The following KLHL4 variants were observed in gnomAD, a reference collection of about 807,000 sequenced individuals.
The protein encoded by KLHL4 is kelch like family member 4, also known as kelch-like protein 4.
KLHL4 carries 17 observed loss-of-function variants against 45.8 expected under a neutral mutation model. That is an observed-to-expected ratio of 0.37 (90% CI 0.25 to 0.56). KLHL4 has a LOEUF of 0.56. KLHL4 is among the 20% of genes least tolerant of loss of function. The pLI, the probability that KLHL4 is intolerant of heterozygous loss-of-function variation, is 0.79. For synonymous variants in KLHL4, 224 were observed against 189.9 expected (o/e 1.18, Z -1.47); for missense variants, 544 against 544.9 (o/e 1.00, Z 0.02).
In KLHL4 at chrX:87,631,596, C is replaced by T. The variant is rs190175253; in HGVS notation, c.1325-614C>T. Among the ~76,000 whole-genome samples the T allele has an allele frequency of 8.0e-5, 9 of 111,871 alleles. No homozygotes were observed. In the South Asian group the frequency reaches 1.9e-3, roughly 23 times the overall value. On this transcript the variant is annotated intron_variant, in intron 6 of 10. Coordinates refer to ENST00000373119, the MANE Select transcript of KLHL4 (RefSeq NM_019117.5). ...GTGTGATCTTGGCCCACTGCAGCCT[C>T]CGCCTCCTGGGCTGAAGTGGTCTTC...
At chrX:87,652,159 G>A (rs1455944320) in intron 9 of KLHL4, among the ~76,000 whole-genome samples, 1 of 112,380 alleles carries the variant, frequency 8.9e-6, no homozygotes, top group East Asian at 2.8e-4. Context: ...TGTAATTGCA[G>A]GGCACCAAGT....
intron 9 of KLHL4, among the ~76,000 whole-genome samples, chrX:87,655,623 C>T (rs222109): frequency 9.1e-6 from 1 of 109,302 alleles, no homozygotes; most frequent in Non-Finnish European, 1.9e-5. Flanking sequence ...TGGTCGGATC[C>T]TTTTTTTTAA....
At chrX:87,599,648 A>G (rs992028906) in intron 1 of KLHL4, among the ~76,000 whole-genome samples, 7 of 111,236 alleles carry the variant, frequency 6.3e-5, no homozygotes, top group Non-Finnish European at 1.1e-4. Context: ...TAGCAAAAAA[A>G]AAAAGAAAAA....
rs1454362766 is a variant in KLHL4, at chrX:87,614,434, G to A, written c.591G>A (p.Arg197=). 8.3e-7 allele frequency: 1 copy of A among 1,204,591 alleles called. No individual in the cohort carries two copies. Among genetic ancestry groups the A allele is most frequent in the Admixed American group, 2.2e-5 (1 of 45,523 alleles). ...TCCTACAAATATTTCCTATTTCCAG[G>A]TTGGTTCTCAGCGCAGTGTCTGATT... ...IAGHLRIPAH[R]LVLSAVSDYF... is the part of the protein sequence containing the mutation. Residue 197 remains arginine (R), a splice_region_variant and synonymous_variant, in exon 3 of 11, where the codon AGG becomes AGA. Transcript: ENST00000373119.
intron 9 of KLHL4, among the ~76,000 whole-genome samples, chrX:87,636,422 G>A (rs747795814): frequency 2.7e-5 from 3 of 111,725 alleles, no homozygotes; most frequent in Admixed American, 9.5e-5. Flanking sequence ...GAACCATATC[G>A]TGAACTTTTG....
intron 9 of KLHL4, among the ~76,000 whole-genome samples, chrX:87,655,962 T>C (rs991780189): frequency 8.9e-6 from 1 of 111,876 alleles, no homozygotes; most frequent in African/African-American, 3.2e-5. Flanking sequence ...TCTGGCAGTA[T>C]ACCCAAGTCA....
At chrX:87,618,626 G>A (rs1218878715) in intron 4 of KLHL4, among the ~76,000 whole-genome samples, 3 of 110,855 alleles carry the variant, frequency 2.7e-5, no homozygotes, top group Admixed American at 9.7e-5. Flanking sequence ...TCAGCATCCC[G>A]AGTAGCTGGG....
chrX:87,589,552 A>G lies in KLHL4; in HGVS notation c.423-24325A>G, dbSNP rs186526694. On this transcript the variant is annotated intron_variant, in intron 1 of 10. Transcript: ENST00000373119. ...ATCATTATGTTAAGTGAAATAAGCCAGGCACAGAAACACAAACATTGCATG... is the reference window on the plus strand; with the variant it reads ...ATCATTATGTTAAGTGAAATAAGCCGGGCACAGAAACACAAACATTGCATG... Among the ~76,000 whole-genome samples, 3 of 112,082 alleles carry G rather than the reference A, an allele frequency of 2.7e-5. No individual in the cohort carries two copies. In the East Asian group the frequency reaches 8.4e-4, roughly 32 times the overall value.
intron 9 of KLHL4, among the ~76,000 whole-genome samples, chrX:87,646,448 G>A (rs1923637154): frequency 9.0e-6 from 1 of 111,440 alleles, no homozygotes; most frequent in Non-Finnish European, 1.9e-5. Context: ...GCAAGACTAA[G>A]CAAAATGAAC....
intron 1 of KLHL4, among the ~76,000 whole-genome samples, chrX:87,523,504 C>G (rs1439514070): frequency 9.0e-6 from 1 of 110,881 alleles, no homozygotes; most frequent in African/African-American, 3.3e-5. Flanking sequence ...AATAAGTATT[C>G]AAAAAAATGA....
At position 87,632,340 on chromosome X, in the gene KLHL4, C is replaced by A. The variant is rs746077135; in HGVS notation, c.1455C>A (p.Asp485Glu). Residue 485 changes from aspartate to glutamate, a missense_variant, in exon 7 of 11, where the codon GAC becomes GAA. By Grantham distance (45) the Asp-to-Glu change is conservative. Transcript: ENST00000373119. ...DNKLYVVGGR[D>E]GLKTLNTVEC... ...AGCTCTATGTCGTGGGAGGAAGAGA[C>A]GGTTTAAAAACTTTGAATACAGTGG... 6.6e-6 allele frequency: 8 copies of A among 1,207,780 alleles called. No individual in the cohort carries two copies. Among genetic ancestry groups the A allele is most frequent in the Non-Finnish European group, 9.0e-6 (8 of 893,605 alleles).
intron 1 of KLHL4, among the ~76,000 whole-genome samples, chrX:87,542,737 A>ACC: frequency 8.9e-6 from 1 of 111,948 alleles, no homozygotes; most frequent in African/African-American, 3.2e-5. Context: ...GGCAGAAGGG[A>ACC]CTTGCCTTGT....
In KLHL4 at chrX:87,668,346, C is replaced by G. The variant is rs1031341320; in HGVS notation, c.*1812C>G. 1.3e-6 allele frequency: 1 copy of G among 753,981 alleles called. No homozygotes were observed. The highest frequency in any genetic ancestry group is 1.6e-6 in the Non-Finnish European group (1 of 638,946). The allele number at this position is 753,981 out of a possible 1,213,427, so 62.1% of individuals were successfully genotyped here. On this transcript the variant is annotated 3_prime_UTR_variant, in exon 11 of 11. Coordinates refer to ENST00000373119, the MANE Select transcript of KLHL4 (RefSeq NM_019117.5). The stretch of plus-strand genomic sequence containing the variant: ...CAACGAGGTGCTACCAATAGGCAGA[C>G]TGTGTCTAGAGTCATGCATGGACAA...
At chrX:87,583,270 C>T (rs1031897686) in intron 1 of KLHL4, among the ~76,000 whole-genome samples, 1 of 111,994 alleles carries the variant, frequency 8.9e-6, no homozygotes, top group Non-Finnish European at 1.9e-5. Context: ...AGTCCCCACT[C>T]GACACAGGAA....
intron 1 of KLHL4, 151 bp from the exon 2 acceptor site, chrX:87,613,726 C>A: frequency 7.9e-6 from 3 of 377,683 alleles, no homozygotes; most frequent in South Asian, 8.5e-5. Flanking sequence ...GATCGGAAAA[C>A]AGATTTTAAT....
intron 9 of KLHL4, among the ~76,000 whole-genome samples, chrX:87,646,872 A>T (rs1452549177): frequency 1.8e-5 from 2 of 111,646 alleles, no homozygotes; most frequent in Non-Finnish European, 3.8e-5. Flanking sequence ...CCAAAAGCAA[A>T]TGCAACAAAA....
At chrX:87,535,794 G>A (rs1442567983) in intron 1 of KLHL4, among the ~76,000 whole-genome samples, 1 of 110,848 alleles carries the variant, frequency 9.0e-6, no homozygotes, top group Non-Finnish European at 1.9e-5. Flanking sequence ...AGTTTCTTAT[G>A]AATATTAATA....
chrX:87,581,334 T>G (rs999356439), intron 1 of KLHL4, among the ~76,000 whole-genome samples: 20 of 112,131 alleles, frequency 1.8e-4, no homozygotes, highest in African/African-American at 6.5e-4. Context: ...GCTGAAGAGA[T>G]CCCCAACACA....
intron 3 of KLHL4, among the ~76,000 whole-genome samples, chrX:87,616,949 G>A (rs1922577265): frequency 9.0e-6 from 1 of 111,323 alleles, no homozygotes; most frequent in Admixed American, 9.6e-5. Flanking sequence ...GCAACTATAT[G>A]AGCCCCATAT....
Sources: gnomAD v4.1 joint callset for allele counts (sites outside exome capture counted in the v4.1 genomes callset) on GRCh38, gnomAD v4.1.1 for gene constraint, MANE v1.5 for transcripts, NCBI Gene and HGNC (gene_info 2026-07-23, HGNC 2026-07-21) for gene names.